The following SOS2 variants were observed in gnomAD, a reference collection of about 807,000 sequenced individuals.
SOS2 encodes the protein SOS Ras/Rho guanine nucleotide exchange factor 2.
Under a neutral mutation model 148.2 loss-of-function variants are expected in SOS2, and 65 were observed. That is an observed-to-expected ratio of 0.44 (90% CI 0.36 to 0.54). The LOEUF (loss-of-function observed/expected upper bound fraction) is 0.54. Ranked by LOEUF, SOS2 falls within the 20% of genes least tolerant of loss-of-function variation. SOS2 has a pLI of 0.00. For missense variants in SOS2, 1,341 were observed against 1,590.2 expected (o/e 0.84, Z 2.67); for synonymous variants, 539 against 537.1 (o/e 1.00, Z -0.05).
At chr14:50,171,923 T>C (rs1356245016) in intron 8 of SOS2, among the ~76,000 whole-genome samples, 2 of 152,168 alleles carry the variant, frequency 1.3e-5, no homozygotes, top group Admixed American at 6.6e-5. Context: ...CTACAGACTT[T>C]CTTGTACATT....
intron 1 of SOS2, among the ~76,000 whole-genome samples, chr14:50,206,273 A>G (rs1163408531): frequency 6.6e-6 from 1 of 152,200 alleles, no homozygotes; most frequent in Non-Finnish European, 1.5e-5. Flanking sequence ...AAAAACACAC[A>G]TATTTTCATA....
intron 1 of SOS2, among the ~76,000 whole-genome samples, chr14:50,220,506 A>G (rs891980625): frequency 1.3e-5 from 2 of 151,904 alleles, no homozygotes; most frequent in African/African-American, 4.8e-5. Context: ...GGCCTCACTG[A>G]AATTATCTGG....
Position 50,197,860 on chromosome 14 carries a change from T to A in SOS2, c.510+1831A>T, listed in dbSNP as rs1886362448. The stretch of plus-strand genomic sequence containing the variant: ...TATGCCACCATGCCCAGCTACTTTT[T>A]TTGTATTTTTAGTAGAGACGGGGTT... On this transcript the variant is annotated intron_variant, in intron 4 of 22. Transcript: ENST00000216373. Among the ~76,000 whole-genome samples, 3 of 152,056 alleles carry A rather than the reference T, an allele frequency of 2.0e-5. No homozygotes were observed. In the South Asian group the frequency reaches 6.2e-4, roughly 32 times the overall value.
intron 1 of SOS2, among the ~76,000 whole-genome samples, chr14:50,219,354 A>G (rs1887133950): frequency 2.0e-5 from 3 of 152,254 alleles, no homozygotes; most frequent in African/African-American, 7.2e-5. Flanking sequence ...ATAAAAAGGA[A>G]TGAACTATTG....
chr14:50,180,010 C>A (rs954261560), intron 7 of SOS2, among the ~76,000 whole-genome samples: 1 of 150,608 alleles, frequency 6.6e-6, no homozygotes, highest in African/African-American at 2.4e-5. Flanking sequence ...ATTTATTTTT[C>A]TATTTATTTT....
intron 4 of SOS2, among the ~76,000 whole-genome samples, chr14:50,190,419 T>G (rs1373272824): frequency 6.6e-6 from 1 of 152,172 alleles, no homozygotes; most frequent in Non-Finnish European, 1.5e-5. Flanking sequence ...GCTAATAAAG[T>G]AAACATGAAC....
At chr14:50,207,908 A>G (rs920404571) in intron 1 of SOS2, among the ~76,000 whole-genome samples, 3 of 151,898 alleles carry the variant, frequency 2.0e-5, no homozygotes, top group African/African-American at 7.3e-5. Context: ...CTCAAAAAAA[A>G]AAAAAAGAAA....
chr14:50,201,203 A>G, intron 2 of SOS2, 119 bp from the exon 3 acceptor site: 5 of 914,446 alleles, frequency 5.5e-6, no homozygotes, highest in Non-Finnish European at 8.2e-6. Flanking sequence ...GACACAATAC[A>G]TTCTGATTCC....
chr14:50,207,226 T>C (rs546874807), intron 1 of SOS2, among the ~76,000 whole-genome samples: 1 of 152,296 alleles, frequency 6.6e-6, no homozygotes, highest in East Asian at 1.9e-4. Context: ...TTATAGGCCA[T>C]TTTTAGCTCA....
intron 1 of SOS2, among the ~76,000 whole-genome samples, chr14:50,221,682 T>A (rs1415992257): frequency 2.0e-5 from 3 of 152,250 alleles, no homozygotes; most frequent in African/African-American, 4.8e-5. Flanking sequence ...TTAAGATTTT[T>A]AAAAAATTAG....
intron 1 of SOS2, among the ~76,000 whole-genome samples, chr14:50,212,157 A>T (rs574635841): frequency 4.6e-4 from 70 of 152,344 alleles, no homozygotes; most frequent in Non-Finnish European, 8.5e-4. Context: ...TAAGGGATAC[A>T]CGCTGAGATG....
intron 22 of SOS2, 50 bp from the exon 23 acceptor site, chr14:50,118,903 A>C: frequency 7.9e-7 from 1 of 1,261,474 alleles, no homozygotes; most frequent in Non-Finnish European, 1.0e-6. Flanking sequence ...AAAATTAAAA[A>C]AAAAAATTTT....
At chr14:50,188,294 A>C (rs1012974925) in intron 5 of SOS2, among the ~76,000 whole-genome samples, 51 of 152,196 alleles carry the variant, frequency 3.4e-4, no homozygotes, top group African/African-American at 1.2e-3. Flanking sequence ...AATCCCAGCT[A>C]CTCAGGAGGC....
chr14:50,218,555 C>T (rs1595034547), intron 1 of SOS2, among the ~76,000 whole-genome samples: 1 of 151,448 alleles, frequency 6.6e-6, no homozygotes, highest in South Asian at 2.1e-4. Flanking sequence ...AACAAAAAAA[C>T]AAAACAACTC....
intron 4 of SOS2, among the ~76,000 whole-genome samples, chr14:50,190,220 T>G (rs946980960): frequency 3.9e-5 from 6 of 152,098 alleles, no homozygotes; most frequent in Non-Finnish European, 7.3e-5. Flanking sequence ...GTTAATTATA[T>G]ATTTAAGACT....
chr14:50,229,321 A>T (rs1390368444), intron 1 of SOS2, among the ~76,000 whole-genome samples: 1 of 152,216 alleles, frequency 6.6e-6, no homozygotes, highest in Non-Finnish European at 1.5e-5. Context: ...AATTCACCTC[A>T]AAAGACCAAA....
At chr14:50,183,851 G>C (rs1885823105) in intron 5 of SOS2, among the ~76,000 whole-genome samples, 1 of 152,198 alleles carries the variant, frequency 6.6e-6, no homozygotes, top group Non-Finnish European at 1.5e-5. Context: ...GTGAATTACA[G>C]CCATTCACTG....
At chr14:50,212,109 A>G (rs1886891338) in intron 1 of SOS2, among the ~76,000 whole-genome samples, 1 of 152,222 alleles carries the variant, frequency 6.6e-6, no homozygotes, top group Admixed American at 6.5e-5. Context: ...TACAAAAATA[A>G]AAAATAAACA....
chr14:50,216,538 T>TA (rs1392829938), intron 1 of SOS2, among the ~76,000 whole-genome samples: 2 of 151,928 alleles, frequency 1.3e-5, no homozygotes, highest in African/African-American at 4.8e-5. Context: ...GCAGGTAGAT[T>TA]ACCTGAGGTC....
Sources: gnomAD v4.1 joint callset for allele counts (sites outside exome capture counted in the v4.1 genomes callset) on GRCh38, gnomAD v4.1.1 for gene constraint, MANE v1.5 for transcripts, NCBI Gene and HGNC (gene_info 2026-07-23, HGNC 2026-07-21) for gene names.